Variants in NTNG1 observed in about 807,000 individuals in gnomAD.
NTNG1 encodes the protein netrin-G1.
In NTNG1, 16 loss-of-function variants were observed where a neutral mutation model predicts 54.0. The ratio of observed to expected loss-of-function variants is 0.30; its 90% CI spans 0.20 to 0.45. The LOEUF (loss-of-function observed/expected upper bound fraction) is 0.45, where lower values mean the gene tolerates loss of function less well. NTNG1 is among the 20% of genes least tolerant of loss of function. The pLI is 1.00. For synonymous variants in NTNG1, 255 were observed against 263.1 expected, an observed-to-expected ratio of 0.97 and a Z score of 0.30; for missense variants, 530 against 678.7, an observed-to-expected ratio of 0.78 and a Z score of 2.43.
At chr1:107,146,740 C>T (rs533790206) in intron 1 of NTNG1, among the ~76,000 whole-genome samples, 1 of 151,994 alleles carries the variant, frequency 6.6e-6, no homozygotes, top group Non-Finnish European at 1.5e-5. Flanking sequence ...GAAAATTGCA[C>T]TTGCATCCAT....
intron 6 of NTNG1, among the ~76,000 whole-genome samples, chr1:107,435,009 GTTTTGTTTAA>G (rs1557997594): frequency 6.6e-6 from 1 of 152,044 alleles, no homozygotes; most frequent in African/African-American, 2.4e-5. Context: ...ATGTTTTACT[GTTTTGTTTAA>G]TTTTGTTTAC....
chr1:107,380,494 T>A (rs1255939997), intron 3 of NTNG1, among the ~76,000 whole-genome samples: 1 of 152,172 alleles, frequency 6.6e-6, no homozygotes, highest in Non-Finnish European at 1.5e-5. Flanking sequence ...CTTTCTTGTA[T>A]CTCTCTCATA....
At chr1:107,356,559 G>GC in intron 3 of NTNG1, among the ~76,000 whole-genome samples, 1 of 152,212 alleles carries the variant, frequency 6.6e-6, no homozygotes, top group South Asian at 2.1e-4. Context: ...CTCCCAAAGT[G>GC]CTGGGATTAC....
intron 2 of NTNG1, among the ~76,000 whole-genome samples, chr1:107,216,981 C>A (rs936877462): frequency 6.6e-6 from 1 of 152,082 alleles, no homozygotes; most frequent in African/African-American, 2.4e-5. Flanking sequence ...CCAGCAGATT[C>A]CCTCTTTCTC....
intron 3 of NTNG1, among the ~76,000 whole-genome samples, chr1:107,355,755 T>C (rs1425971292): frequency 2.0e-5 from 3 of 152,158 alleles, no homozygotes; most frequent in Non-Finnish European, 4.4e-5. Context: ...CTTCTTTATT[T>C]AGGGTTATCT....
intron 2 of NTNG1, among the ~76,000 whole-genome samples, chr1:107,222,704 T>C (rs376129867): frequency 1.3e-5 from 2 of 151,688 alleles, no homozygotes; most frequent in Non-Finnish European, 2.9e-5. Context: ...TAAGAGCCAA[T>C]AGAACTTAGC....
chr1:107,253,509 G>T (rs530469715), intron 2 of NTNG1, among the ~76,000 whole-genome samples: 1 of 152,224 alleles, frequency 6.6e-6, no homozygotes, highest in East Asian at 1.9e-4. Context: ...ACCAATTTGT[G>T]TGTCACAGGT....
At chr1:107,200,057 A>G (rs1008627735) in intron 2 of NTNG1, among the ~76,000 whole-genome samples, 1 of 151,808 alleles carries the variant, frequency 6.6e-6, no homozygotes, top group African/African-American at 2.4e-5. Context: ...AAGTACTATG[A>G]TTTGTTCCTT....
In NTNG1 at chr1:107,395,232, A is replaced by G. The variant is rs748838662; in HGVS notation, c.966A>G (p.Thr322=). Residue 322 remains threonine, a synonymous_variant, in exon 4 of 8, where the codon ACA becomes ACG. Coordinates refer to ENST00000370068, the MANE Select transcript of NTNG1 (RefSeq NM_001113226.3). ...KLTCECEHNT[T]GPDCGKCKKN... ...CATGCGAATGTGAGCACAACACTAC[A>G]GGTCCAGACTGTGGGAAATGCAAGA... 3.1e-6 allele frequency: 5 copies of G among 1,613,504 alleles called. No individual in the cohort carries two copies. The African/African-American group carries it at 5.3e-5, about 17-fold the overall frequency.
chr1:107,320,322 T>C (rs2101865922), intron 2 of NTNG1, among the ~76,000 whole-genome samples: 1 of 152,258 alleles, frequency 6.6e-6, no homozygotes, highest in South Asian at 2.1e-4. Flanking sequence ...GGCTGCCTGC[T>C]GGCCACAAAA....
chr1:107,205,818 C>T lies in NTNG1; in HGVS notation c.246+56979C>T, dbSNP rs140621408. Among the ~76,000 whole-genome samples the T allele has an allele frequency of 3.2e-3, 480 of 152,174 alleles. 4 individuals are homozygous for T. The highest frequency in any genetic ancestry group is 5.5e-3 in the Non-Finnish European group (371 of 68,002). ...ACTGCCCTTTCAACTTTACTAATTG[C>T]CCCCACTCCCAAAAGACAACTACTA... On this transcript the variant is annotated intron_variant, in intron 2 of 7. Transcript: ENST00000370068.
intron 5 of NTNG1, chr1:107,421,282 C>A: frequency 1.7e-6 from 1 of 582,744 alleles, no homozygotes; most frequent in Non-Finnish European, 3.1e-6. Context: ...ATCAATGCAT[C>A]GAATAGTACT....
chr1:107,389,182 C>T (rs774125651), intron 3 of NTNG1, among the ~76,000 whole-genome samples: 4 of 152,232 alleles, frequency 2.6e-5, no homozygotes, highest in African/African-American at 7.2e-5. Context: ...GAAAGGGCCC[C>T]GAAGCTAAAC....
At chr1:107,463,551 T>C (rs1302538173) in intron 7 of NTNG1, among the ~76,000 whole-genome samples, 1 of 152,082 alleles carries the variant, frequency 6.6e-6, no homozygotes, top group African/African-American at 2.4e-5. Context: ...TTTTTTCACT[T>C]GTTCCCAGAA....
chr1:107,274,793 T>G (rs1664360480), intron 2 of NTNG1, among the ~76,000 whole-genome samples: 1 of 152,216 alleles, frequency 6.6e-6, no homozygotes, highest in South Asian at 2.1e-4. Context: ...ATGCGGGCAT[T>G]GGAATACTGT....
intron 2 of NTNG1, among the ~76,000 whole-genome samples, chr1:107,220,758 A>T (rs562536261): frequency 7.0e-4 from 107 of 152,120 alleles, no homozygotes; most frequent in African/African-American, 2.5e-3. Context: ...TATCATTAAG[A>T]CTCTATGCAT....
At chr1:107,477,175 G>A (rs1172546564) in intron 7 of NTNG1, among the ~76,000 whole-genome samples, 1 of 152,208 alleles carries the variant, frequency 6.6e-6, no homozygotes, top group Non-Finnish European at 1.5e-5. Context: ...ATGGCTGGCT[G>A]CTGCAGCTGC....
intron 4 of NTNG1, among the ~76,000 whole-genome samples, chr1:107,405,162 G>A (rs1360339694): frequency 6.6e-6 from 1 of 152,088 alleles, no homozygotes; most frequent in African/African-American, 2.4e-5. Flanking sequence ...TTCTTTATCT[G>A]TGGAGAACCA....
chr1:107,444,363 G>A (rs1348849925), intron 7 of NTNG1, among the ~76,000 whole-genome samples: 1 of 152,094 alleles, frequency 6.6e-6, no homozygotes, highest in Non-Finnish European at 1.5e-5. Flanking sequence ...ACCACAAAAG[G>A]GATACACTGA....
Sources: gnomAD v4.1 joint callset for allele counts (sites outside exome capture counted in the v4.1 genomes callset) on GRCh38, gnomAD v4.1.1 for gene constraint, MANE v1.5 for transcripts, NCBI Gene and HGNC (gene_info 2026-07-23, HGNC 2026-07-21) for gene names.